ZFAND6: variants seen among roughly 807,000 people sequenced by gnomAD.
ZFAND6 encodes zinc finger AN1-type containing 6, also known as AN1-type zinc finger protein 6.
In ZFAND6, 12 loss-of-function variants were observed where a neutral mutation model predicts 24.5. The ratio of observed to expected loss-of-function variants is 0.49; its 90% CI spans 0.31 to 0.79. ZFAND6 has a LOEUF of 0.79. Among genes scored for constraint, ZFAND6 ranks in the 30% least tolerant of loss-of-function variants. ZFAND6 has a pLI of 0.04. For synonymous variants in ZFAND6, 92 were observed against 81.5 expected, an observed-to-expected ratio of 1.13 and a Z score of -0.69; for missense variants, 207 against 245.9, an observed-to-expected ratio of 0.84 and a Z score of 1.06.
chr15:80,111,339 T>C (rs1275296013), intron 2 of ZFAND6: 3 of 363,730 alleles, frequency 8.2e-6, no homozygotes, highest in African/African-American at 2.1e-5. Context: ...ATCCCACCCC[T>C]GCAGACACCA....
intron 4 of ZFAND6, among the ~76,000 whole-genome samples, chr15:80,122,397 C>T (rs1217468863): frequency 6.6e-6 from 1 of 152,050 alleles, no homozygotes; most frequent in Non-Finnish European, 1.5e-5. Flanking sequence ...TCATTTACAG[C>T]TTTGTCTTAG....
At chr15:80,118,016 T>TTGTGTGTGTGTGTGTG (rs71455308) in intron 2 of ZFAND6, among the ~76,000 whole-genome samples, 28 of 150,416 alleles carry the variant, frequency 1.9e-4, no homozygotes, top group Admixed American at 6.6e-4. Flanking sequence ...AGGTATTGAA[T>TTGTGTGTGTGTGTGTG]TGTGTGTGTG....
intron 1 of ZFAND6, among the ~76,000 whole-genome samples, chr15:80,095,579 T>A (rs2038671571): frequency 6.6e-6 from 1 of 152,224 alleles, no homozygotes; most frequent in Non-Finnish European, 1.5e-5. Context: ...TGGTAATAAT[T>A]CAGATATTTA....
At chr15:80,075,583 T>A (rs891076699) in intron 1 of ZFAND6, among the ~76,000 whole-genome samples, 6 of 152,100 alleles carry the variant, frequency 3.9e-5, no homozygotes, top group African/African-American at 1.4e-4. Context: ...TCAAAAATAA[T>A]GTATTCAAAG....
intron 2 of ZFAND6, among the ~76,000 whole-genome samples, chr15:80,114,856 T>G (rs1014594198): frequency 6.6e-6 from 1 of 152,192 alleles, no homozygotes; most frequent in African/African-American, 2.4e-5. Flanking sequence ...TTTAGCTAAT[T>G]AAAGCTGCAT....
At chr15:80,096,682 A>G (rs2038741743) in intron 1 of ZFAND6, among the ~76,000 whole-genome samples, 1 of 152,248 alleles carries the variant, frequency 6.6e-6, no homozygotes, top group Non-Finnish European at 1.5e-5. Flanking sequence ...TAATATAAAC[A>G]GTACATTTAC....
chr15:80,061,184 C>T (rs1180690034), intron 1 of ZFAND6, among the ~76,000 whole-genome samples: 1 of 152,014 alleles, frequency 6.6e-6, no homozygotes, highest in Non-Finnish European at 1.5e-5. Context: ...TACTTTTTTA[C>T]GTTTTAAAAT....
intron 6 of ZFAND6, among the ~76,000 whole-genome samples, chr15:80,135,731 T>C (rs994627304): frequency 1.3e-5 from 2 of 152,178 alleles, no homozygotes; most frequent in African/African-American, 4.8e-5. Flanking sequence ...GGCCAGGAAT[T>C]CGGGACCAGC....
At position 80,106,090 on chromosome 15, in the gene ZFAND6, C is replaced by T. The variant is rs373307686; in HGVS notation, c.-18+7512C>T. 5.3e-5 allele frequency among the ~76,000 whole-genome samples: 8 copies of T among 152,274 alleles called. No individual in the cohort carries two copies. In the East Asian group the frequency reaches 5.8e-4, roughly 11 times the overall value. On this transcript the variant is annotated intron_variant, in intron 2 of 6. Transcript: ENST00000261749. Reference sequence around the variant, plus strand: ...AACTGTGTGTCCTAAATATCTTTTACAGTGTTTAATAGCTAGCGGAGTGAT... The same window carrying T: ...AACTGTGTGTCCTAAATATCTTTTATAGTGTTTAATAGCTAGCGGAGTGAT...
chr15:80,102,718 A>C (rs1416376028), intron 2 of ZFAND6, among the ~76,000 whole-genome samples: 1 of 152,202 alleles, frequency 6.6e-6, no homozygotes, highest in Non-Finnish European at 1.5e-5. Flanking sequence ...GGTTAAAAGT[A>C]GTCTGGATTT....
chr15:80,120,796 TAAA>T (rs1304771560), intron 3 of ZFAND6: 1 of 172,084 alleles, frequency 5.8e-6, no homozygotes, highest in East Asian at 1.5e-4. Flanking sequence ...AAGAGAGTGA[TAAA>T]AGAACCTTTG....
chr15:80,076,906 T>TA (rs200626707), intron 1 of ZFAND6, among the ~76,000 whole-genome samples: 5,339 of 146,236 alleles, frequency 0.037, 281 homozygotes, highest in East Asian at 0.22. Flanking sequence ...AAACAAACAT[T>TA]AAAAAAAAAA....
intron 1 of ZFAND6, among the ~76,000 whole-genome samples, chr15:80,071,236 G>A (rs1383765032): frequency 6.6e-6 from 1 of 152,170 alleles, no homozygotes; most frequent in Non-Finnish European, 1.5e-5. Flanking sequence ...AGGAAAAATA[G>A]TTGCAAGATT....
At chr15:80,099,333 CTT>C (rs1209285741) in intron 2 of ZFAND6, among the ~76,000 whole-genome samples, 1 of 151,982 alleles carries the variant, frequency 6.6e-6, no homozygotes, top group Non-Finnish European at 1.5e-5. Context: ...TTTTCTCTCT[CTT>C]TAGAAGAATG....
intron 6 of ZFAND6, 90 bp from the exon 7 acceptor site, chr15:80,137,390 C>A: frequency 7.1e-7 from 1 of 1,413,852 alleles, no homozygotes; most frequent in Non-Finnish European, 9.5e-7. Flanking sequence ...CATTGCTGCC[C>A]TAAATATATT....
intron 2 of ZFAND6, among the ~76,000 whole-genome samples, chr15:80,116,276 A>G (rs1342640542): frequency 6.6e-6 from 1 of 152,130 alleles, no homozygotes; most frequent in Non-Finnish European, 1.5e-5. Flanking sequence ...GTCTATACTG[A>G]GAGTGCACGT....
At chr15:80,094,638 T>C (rs1412774207) in intron 1 of ZFAND6, among the ~76,000 whole-genome samples, 4 of 152,226 alleles carry the variant, frequency 2.6e-5, no homozygotes, top group African/African-American at 9.6e-5. Flanking sequence ...TTACATCATG[T>C]TCCTTCACCA....
chr15:80,082,532 G>A (rs920398699), intron 1 of ZFAND6, among the ~76,000 whole-genome samples: 1 of 152,194 alleles, frequency 6.6e-6, no homozygotes, highest in Non-Finnish European at 1.5e-5. Flanking sequence ...ATTCAAGGCA[G>A]GGAGACTACC....
At chr15:80,116,388 G>T (rs1470435834) in intron 2 of ZFAND6, among the ~76,000 whole-genome samples, 1 of 152,030 alleles carries the variant, frequency 6.6e-6, no homozygotes, top group Non-Finnish European at 1.5e-5. Flanking sequence ...TTAAAGCTGA[G>T]AAAATGTTTT....
Sources: allele counts gnomAD v4.1 joint callset (sites outside exome capture counted in the v4.1 genomes callset), GRCh38; gene constraint gnomAD v4.1.1; transcripts MANE v1.5; gene names NCBI Gene and HGNC (gene_info 2026-07-23, HGNC 2026-07-21).